Variants in DDC observed in about 807,000 individuals in gnomAD.
The protein encoded by DDC is dopa decarboxylase, also known as aromatic-L-amino-acid decarboxylase.
DDC carries 43 observed loss-of-function variants against 60.0 expected under a neutral mutation model. The ratio of observed to expected loss-of-function variants is 0.72; its 90% CI spans 0.56 to 0.92. DDC has a LOEUF of 0.92. Ranked by LOEUF, DDC falls within the 40% of genes least tolerant of loss-of-function variation. The pLI is 0.00. For synonymous variants in DDC, 232 were observed against 234.6 expected (o/e 0.99, Z 0.10); for missense variants, 573 against 620.2 (o/e 0.92, Z 0.81).
Position 50,491,173 on chromosome 7 carries a change from G to A in DDC, c.944+4177C>T, listed in dbSNP as rs540520232. 2.0e-5 allele frequency among the ~76,000 whole-genome samples: 3 copies of A among 152,230 alleles called. No homozygotes were observed. The South Asian group carries it at 6.2e-4, about 32-fold the overall frequency. On this transcript the variant is annotated intron_variant, in intron 9 of 14. Transcript: ENST00000444124. ...CTTAAAGCCCTGTAAACTGAAGCTA[G>A]ACAACGTCAACTTTGGAAGAAAATA... is the stretch of plus-strand genomic sequence containing the variant.
intron 9 of DDC, among the ~76,000 whole-genome samples, chr7:50,482,140 T>C (rs776184997): frequency 1.2e-4 from 19 of 152,216 alleles, no homozygotes; most frequent in Non-Finnish European, 2.6e-4. Context: ...AAAGCATCTA[T>C]CTACGGCCGT....
intron 6 of DDC, among the ~76,000 whole-genome samples, chr7:50,515,439 C>T (rs867777904): frequency 2.6e-4 from 40 of 152,132 alleles, no homozygotes; most frequent in African/African-American, 9.4e-4. Context: ...CCTGGAAACA[C>T]ATCAAAATAG....
chr7:50,468,049 G>T (rs770284223), intron 12 of DDC, among the ~76,000 whole-genome samples: 1 of 152,274 alleles, frequency 6.6e-6, no homozygotes, highest in Non-Finnish European at 1.5e-5. Context: ...CCTCCGTGGC[G>T]TAGGCCCGTG....
chr7:50,483,673 C>T (rs568169113), intron 9 of DDC, among the ~76,000 whole-genome samples: 2 of 151,988 alleles, frequency 1.3e-5, no homozygotes, highest in African/African-American at 2.4e-5. Context: ...GAGGCCGAGG[C>T]GGGAGGATCA....
At chr7:50,460,703 T>C (rs867299940) in intron 14 of DDC, among the ~76,000 whole-genome samples, 2 of 151,674 alleles carry the variant, frequency 1.3e-5, no homozygotes, top group African/African-American at 4.9e-5. Flanking sequence ...TGTTCTGTAC[T>C]AAGAAAAATT....
chr7:50,516,572 C>G (rs1444091476), intron 6 of DDC, among the ~76,000 whole-genome samples: 1 of 150,980 alleles, frequency 6.6e-6, no homozygotes, highest in Non-Finnish European at 1.5e-5. Context: ...AGGAAATAAC[C>G]AAGATCAGAG....
chr7:50,459,018 ACTGTACTG>A (rs1236393032), intron 14 of DDC, among the ~76,000 whole-genome samples, 175 bp from the exon 15 acceptor site: 3 of 150,646 alleles, frequency 2.0e-5, no homozygotes, highest in African/African-American at 7.4e-5. Context: ...CCGAAGCTGG[ACTGTACTG>A]CTGCCATCTC....
chr7:50,485,144 A>C (rs888346409), intron 9 of DDC, among the ~76,000 whole-genome samples: 3 of 152,212 alleles, frequency 2.0e-5, no homozygotes, highest in Admixed American at 6.5e-5. Context: ...GGAAAAAAAA[A>C]CAGGCCATCT....
At chr7:50,476,544 G>A (rs2042648077) in intron 11 of DDC, 80 bp downstream of exon 11, 3 of 1,270,742 alleles carry the variant, frequency 2.4e-6, no homozygotes, top group Non-Finnish European at 3.4e-6. Context: ...TGAGAGTGGG[G>A]GAGGAGATGT....
chr7:50,463,832 A>AAAATG (rs1368406304), intron 13 of DDC, among the ~76,000 whole-genome samples: 2 of 152,220 alleles, frequency 1.3e-5, no homozygotes, highest in East Asian at 3.9e-4. Flanking sequence ...AGCAACCTAG[A>AAAATG]AAATGAAGCA....
intron 6 of DDC, among the ~76,000 whole-genome samples, chr7:50,514,931 C>T (rs953401611): frequency 1.3e-5 from 2 of 152,056 alleles, no homozygotes; most frequent in Non-Finnish European, 2.9e-5. Flanking sequence ...TTATGTTGAA[C>T]CTAAGAATAA....
chr7:50,539,241 C>T (rs76056662), intron 3 of DDC: 5,454 of 156,648 alleles, frequency 0.035, 123 homozygotes, highest in Admixed American at 0.063. Context: ...CAGCAGCCCT[C>T]GGACACTGGC....
chr7:50,555,897 C>G (rs1357830845), intron 1 of DDC, among the ~76,000 whole-genome samples: 2 of 152,200 alleles, frequency 1.3e-5, no homozygotes, highest in Non-Finnish European at 2.9e-5. Flanking sequence ...GACTCAAACA[C>G]AGGTACAGAG....
intron 14 of DDC, among the ~76,000 whole-genome samples, chr7:50,461,045 A>ATT (rs1562975605): frequency 5.3e-5 from 8 of 151,050 alleles, no homozygotes; most frequent in African/African-American, 2.0e-4. Flanking sequence ...AGAATGATCA[A>ATT]TAAAAAAAAA....
intron 6 of DDC, among the ~76,000 whole-genome samples, chr7:50,518,264 C>T (rs1242820217): frequency 1.3e-5 from 2 of 151,642 alleles, no homozygotes; most frequent in Admixed American, 1.3e-4. Flanking sequence ...AAACACATTC[C>T]ATGCTCATTA....
At chr7:50,513,272 A>C (rs1195591160) in intron 6 of DDC, among the ~76,000 whole-genome samples, 2 of 152,220 alleles carry the variant, frequency 1.3e-5, no homozygotes, top group Non-Finnish European at 2.9e-5. Context: ...GATCTGAGTC[A>C]ATTTAGACAG....
At chr7:50,505,049 C>T (rs2043354144) in intron 6 of DDC, among the ~76,000 whole-genome samples, 1 of 152,194 alleles carries the variant, frequency 6.6e-6, no homozygotes, top group South Asian at 2.1e-4. Context: ...AGTCACACAA[C>T]CCAGAAAATA....
chr7:50,466,008 GCTC>G (rs1049974205), intron 13 of DDC, among the ~76,000 whole-genome samples: 3 of 152,188 alleles, frequency 2.0e-5, no homozygotes, highest in African/African-American at 7.2e-5. Context: ...CACGGCTGCA[GCTC>G]CTCCTCGCCT....
chr7:50,483,389 G>A (rs2042812727), intron 9 of DDC, among the ~76,000 whole-genome samples: 1 of 152,034 alleles, frequency 6.6e-6, no homozygotes, highest in Non-Finnish European at 1.5e-5. Context: ...AAATCTCATT[G>A]GATTTTATTT....
Sources: gnomAD v4.1 joint callset for allele counts (sites outside exome capture counted in the v4.1 genomes callset) on GRCh38, gnomAD v4.1.1 for gene constraint, MANE v1.5 for transcripts, NCBI Gene and HGNC (gene_info 2026-07-23, HGNC 2026-07-21) for gene names.